TENM2: variants seen among roughly 807,000 people sequenced by gnomAD.
TENM2 encodes the protein teneurin-2.
Under a neutral mutation model 245.2 loss-of-function variants are expected in TENM2, and 52 were observed. That is an observed-to-expected ratio of 0.21 (90% CI 0.17 to 0.27). The LOEUF is 0.27. Among genes scored for constraint, TENM2 ranks in the 10% least tolerant of loss-of-function variants. The pLI, the probability that TENM2 is intolerant of heterozygous loss-of-function variation, is 1.00. For missense variants in TENM2, 3,046 were observed against 3,666.8 expected, an observed-to-expected ratio of 0.83 and a Z score of 4.37; for synonymous variants, 1,363 against 1,438.9, an observed-to-expected ratio of 0.95 and a Z score of 1.19.
intron 16 of TENM2, among the ~76,000 whole-genome samples, 175 bp downstream of exon 18, chr5:168,199,289 T>G (rs1370512414): frequency 1.3e-5 from 2 of 152,254 alleles, no homozygotes; most frequent in Non-Finnish European, 2.9e-5. Flanking sequence ...TTGGCTGTTC[T>G]GGATGTCTGC....
chr5:167,432,979 C>A (rs1484908644), intron 2 of TENM2, among the ~76,000 whole-genome samples: 1 of 152,090 alleles, frequency 6.6e-6, no homozygotes, highest in Admixed American at 6.6e-5. Context: ...TAAGGAAAAT[C>A]TGAGAATTTA....
At chr5:167,147,947 A>C in the TENM2 span, among the ~76,000 whole-genome samples, 1 of 152,156 alleles carries the variant, frequency 6.6e-6, no homozygotes, top group East Asian at 1.9e-4. Context: ...ATTTCTGACT[A>C]TCTCTTTAAG....
intron 2 of TENM2, among the ~76,000 whole-genome samples, chr5:167,410,916 A>G (rs1017317737): frequency 6.6e-6 from 1 of 152,122 alleles, no homozygotes; most frequent in African/African-American, 2.4e-5. Flanking sequence ...GTTTAGTGGC[A>G]AACCCACCTA....
intron 2 of TENM2, among the ~76,000 whole-genome samples, chr5:167,692,198 T>A (rs1346444949): frequency 6.6e-6 from 1 of 152,180 alleles, no homozygotes; most frequent in Non-Finnish European, 1.5e-5. Context: ...TCTGCCCTGT[T>A]CACAAGTTGT....
chr5:167,738,970 C>G (rs919692982), intron 2 of TENM2, among the ~76,000 whole-genome samples: 1 of 152,126 alleles, frequency 6.6e-6, no homozygotes, highest in African/African-American at 2.4e-5. Context: ...ATGGGGGACA[C>G]CATTCTGTAA....
chr5:168,246,896 T>C (rs1238439586), exon 27 of TENM2: 2 of 1,613,958 alleles, frequency 1.2e-6, no homozygotes, highest in South Asian at 2.2e-5. Context: ...ATCCGTAATA[T>C]TTACAACCCG....
At chr5:167,003,652 T>C in the TENM2 span, among the ~76,000 whole-genome samples, 3 of 152,180 alleles carry the variant, frequency 2.0e-5, no homozygotes, top group African/African-American at 4.8e-5. Context: ...CTTTTTTTCT[T>C]TGTCTTTAAA....
intron 11 of TENM2, 80 bp from the exon 14 acceptor site, chr5:168,126,674 T>C: frequency 1.6e-6 from 2 of 1,226,800 alleles, no homozygotes; most frequent in Non-Finnish European, 2.3e-6. Flanking sequence ...TCCAGGGGTC[T>C]GGGCCATGTG....
At chr5:167,920,628 G>T (rs989809981) in intron 3 of TENM2, among the ~76,000 whole-genome samples, 1 of 152,112 alleles carries the variant, frequency 6.6e-6, no homozygotes, top group African/African-American at 2.4e-5. Context: ...CCCAGACTGT[G>T]TAGGACACTT....
At chr5:167,256,638 C>T in the TENM2 span, among the ~76,000 whole-genome samples, 1 of 152,070 alleles carries the variant, frequency 6.6e-6, no homozygotes, top group African/African-American at 2.4e-5. Context: ...CCAATGTCCC[C>T]ATTCCCTTTC....
rs940324036 is a variant in TENM2, at chr5:167,858,830, G to A, written c.503-17156G>A. ...CGGCGAGCGCCGCCCGGGAGGCAGC[G>A]GCTGGAGGAGCGGACGGGCCCCGCG... On this transcript the variant is annotated intron_variant, in intron 2 of 28. Transcript: ENST00000518659. 2.6e-4 allele frequency among the ~76,000 whole-genome samples: 39 copies of A among 147,172 alleles called. 1 individual carries two copies. Among genetic ancestry groups the A allele is most frequent in the African/African-American group, 8.2e-4 (33 of 40,454 alleles).
chr5:167,439,762 AG>A (rs1313886589), intron 2 of TENM2, among the ~76,000 whole-genome samples: 1 of 152,196 alleles, frequency 6.6e-6, no homozygotes, highest in Non-Finnish European at 1.5e-5. Context: ...TCCTCCTCTC[AG>A]ACAAAGCCAG....
At chr5:167,108,727 C>G in the TENM2 span, among the ~76,000 whole-genome samples, 1 of 152,208 alleles carries the variant, frequency 6.6e-6, no homozygotes, top group Non-Finnish European at 1.5e-5. Context: ...GCACCATTCC[C>G]ATATGTAAGA....
At chr5:167,993,909 G>A (rs951608015) in intron 5 of TENM2, among the ~76,000 whole-genome samples, 4 of 152,242 alleles carry the variant, frequency 2.6e-5, no homozygotes, top group Admixed American at 1.3e-4. Context: ...CAAAGGTGTT[G>A]GTTTACAGCC....
At chr5:167,821,119 G>T (rs1444430507) in intron 2 of TENM2, 1 of 152,188 alleles carries the variant, frequency 6.6e-6, no homozygotes, top group Non-Finnish European at 1.5e-5. Context: ...AAGGGACAGC[G>T]ATTCCTTTGC....
intron 3 of TENM2, among the ~76,000 whole-genome samples, chr5:167,894,941 G>A (rs1430471773): frequency 9.6e-6 from 1 of 103,774 alleles, no homozygotes; most frequent in Non-Finnish European, 2.0e-5. Flanking sequence ...AAGGAAGGAA[G>A]GAAGGAAGGA....
intron 2 of TENM2, among the ~76,000 whole-genome samples, chr5:167,817,009 T>C (rs997025612): frequency 5.3e-5 from 8 of 152,322 alleles, no homozygotes; most frequent in East Asian, 3.9e-4. Flanking sequence ...AACAGGGCCT[T>C]GTTACAACTT....
chr5:167,333,002 G>C (rs1757547649), intron 1 of TENM2, among the ~76,000 whole-genome samples: 2 of 152,030 alleles, frequency 1.3e-5, no homozygotes, highest in African/African-American at 2.4e-5. Context: ...AAAGGTAAAG[G>C]GGAATTAAAG....
chr5:167,489,731 A>C (rs1768307220), intron 2 of TENM2, among the ~76,000 whole-genome samples: 1 of 152,208 alleles, frequency 6.6e-6, no homozygotes, highest in South Asian at 2.1e-4. Flanking sequence ...CACAGTATGT[A>C]CTGGATATAC....
Sources: gnomAD v4.1 joint callset for allele counts (sites outside exome capture counted in the v4.1 genomes callset) on GRCh38, gnomAD v4.1.1 for gene constraint, MANE v1.5 for transcripts, NCBI Gene and HGNC (gene_info 2026-07-23, HGNC 2026-07-21) for gene names.